STX8: variants seen among roughly 807,000 people sequenced by gnomAD.
STX8 encodes syntaxin 8.
In STX8, 23 loss-of-function variants were observed where a neutral mutation model predicts 37.5. That is an observed-to-expected ratio of 0.61 (90% CI 0.44 to 0.87). The LOEUF (loss-of-function observed/expected upper bound fraction) is 0.87, where lower values mean the gene tolerates loss of function less well. STX8 is among the 40% of genes least tolerant of loss of function. The pLI, the probability that STX8 is intolerant of heterozygous loss-of-function variation, is 0.00. For synonymous variants in STX8, 115 were observed against 99.1 expected (o/e 1.16, Z -0.95); for missense variants, 313 against 284.7 (o/e 1.10, Z -0.71).
intron 4 of STX8, among the ~76,000 whole-genome samples, chr17:9,522,056 C>CA (rs1170735884): frequency 6.6e-6 from 1 of 152,048 alleles, no homozygotes; most frequent in Admixed American, 6.6e-5. Flanking sequence ...GTCTCCAACT[C>CA]AAATTTCAAA....
chr17:9,350,483 A>G (rs930625556), intron 7 of STX8, among the ~76,000 whole-genome samples: 2 of 150,342 alleles, frequency 1.3e-5, no homozygotes, highest in African/African-American at 4.9e-5. Flanking sequence ...CATCTATCAT[A>G]TTTGCCTAAT....
At chr17:9,367,447 C>T (rs2142267692) in intron 7 of STX8, among the ~76,000 whole-genome samples, 1 of 152,228 alleles carries the variant, frequency 6.6e-6, no homozygotes, top group East Asian at 1.9e-4. Context: ...ATCTGGGCCT[C>T]AAATAACCCT....
chr17:9,376,562 C>G (rs1203688113), intron 7 of STX8, among the ~76,000 whole-genome samples: 3 of 152,234 alleles, frequency 2.0e-5, no homozygotes, highest in Non-Finnish European at 4.4e-5. Context: ...CCCTGACCCG[C>G]TCGGGTCCCC....
At chr17:9,454,068 CTACAT>C (rs1162566311) in intron 6 of STX8, among the ~76,000 whole-genome samples, 15 of 152,140 alleles carry the variant, frequency 9.9e-5, no homozygotes, top group Admixed American at 9.8e-4. Context: ...AATATGTTTT[CTACAT>C]TATATATACA....
chr17:9,536,253 C>T (rs147853770), intron 4 of STX8, among the ~76,000 whole-genome samples: 328 of 152,228 alleles, frequency 2.2e-3, no homozygotes, highest in African/African-American at 7.4e-3. Context: ...CTGGGAACTG[C>T]TGTAGCTATT....
chr17:9,355,917 G>A (rs1910867855), intron 7 of STX8, among the ~76,000 whole-genome samples: 3 of 152,122 alleles, frequency 2.0e-5, no homozygotes, highest in Admixed American at 2.0e-4. Context: ...CCTCCAAAGT[G>A]CTGGGATTAC....
chr17:9,283,234 C>A (rs1012558342), intron 7 of STX8: 6 of 152,236 alleles, frequency 3.9e-5, no homozygotes, highest in East Asian at 1.9e-4. Context: ...AAATATTCAA[C>A]CTTCTGTGTT....
intron 6 of STX8, among the ~76,000 whole-genome samples, chr17:9,380,692 A>G (rs1597635974): frequency 7.8e-6 from 1 of 128,458 alleles, no homozygotes; most frequent in Non-Finnish European, 1.7e-5. Context: ...TACCTTTTCT[A>G]TGTTTGGATA....
intron 6 of STX8, among the ~76,000 whole-genome samples, chr17:9,484,683 C>T (rs1379500210): frequency 1.5e-4 from 22 of 146,972 alleles, no homozygotes; most frequent in East Asian, 1.4e-3. Context: ...AAAAATTAGC[C>T]GGGCATGGTG....
intron 7 of STX8, among the ~76,000 whole-genome samples, chr17:9,363,922 T>C (rs1911143689): frequency 6.6e-6 from 1 of 152,122 alleles, no homozygotes; most frequent in Admixed American, 6.5e-5. Context: ...GTTTTCCAAT[T>C]TTGCACTTCT....
chr17:9,561,781 T>C (rs890371397), intron 2 of STX8, among the ~76,000 whole-genome samples: 14 of 151,530 alleles, frequency 9.2e-5, no homozygotes, highest in Admixed American at 5.9e-4. Flanking sequence ...ATAATCAAAA[T>C]TGGTGTAGAA....
chr17:9,261,711 T>C (rs1907046970), intron 7 of STX8, among the ~76,000 whole-genome samples: 1 of 152,064 alleles, frequency 6.6e-6, no homozygotes, highest in Admixed American at 6.6e-5. Flanking sequence ...AAATAGATAA[T>C]CCTTCATATC....
chr17:9,286,768 T>C (rs1908088159), intron 7 of STX8, among the ~76,000 whole-genome samples: 2 of 151,440 alleles, frequency 1.3e-5, no homozygotes, highest in South Asian at 4.2e-4. Flanking sequence ...TGATGAATAT[T>C]GTTCGGTGTG....
intron 3 of STX8, among the ~76,000 whole-genome samples, chr17:9,552,357 A>G (rs564526746): frequency 2.3e-4 from 35 of 152,260 alleles, no homozygotes; most frequent in Middle Eastern, 3.4e-3. Context: ...AGTCAGAAAA[A>G]AAGTTCTTAT....
At chr17:9,336,158 T>C (rs1156688454) in intron 7 of STX8, among the ~76,000 whole-genome samples, 1 of 152,180 alleles carries the variant, frequency 6.6e-6, no homozygotes, top group East Asian at 1.9e-4. Flanking sequence ...CTAATGTGAC[T>C]TATGAACTTT....
intron 7 of STX8, among the ~76,000 whole-genome samples, chr17:9,308,863 A>C (rs1465112416): frequency 6.6e-6 from 1 of 152,202 alleles, no homozygotes; most frequent in East Asian, 1.9e-4. Context: ...AGAATGTCAA[A>C]GCACCATATT....
intron 7 of STX8, among the ~76,000 whole-genome samples, chr17:9,252,393 G>A (rs1451584676): frequency 6.6e-6 from 1 of 151,364 alleles, no homozygotes; most frequent in Non-Finnish European, 1.5e-5. Context: ...GCAGTGAGCC[G>A]AGATTGCGCC....
chr17:9,476,460 CTT>C (rs547611818), intron 6 of STX8, among the ~76,000 whole-genome samples: 1 of 144,652 alleles, frequency 6.9e-6, no homozygotes, highest in Non-Finnish European at 1.5e-5. Context: ...TTTTTTTTTT[CTT>C]TTTTTTTTGA....
At chr17:9,539,672 A>G (rs114915087) in intron 4 of STX8, among the ~76,000 whole-genome samples, 1 of 138,666 alleles carries the variant, frequency 7.2e-6, no homozygotes, top group Admixed American at 7.1e-5. Context: ...GACCCCCCCC[A>G]CCCCAAAACC....
Sources: allele counts gnomAD v4.1 joint callset (sites outside exome capture counted in the v4.1 genomes callset), GRCh38; gene constraint gnomAD v4.1.1; transcripts MANE v1.5; gene names NCBI Gene and HGNC (gene_info 2026-07-23, HGNC 2026-07-21).